OCA2: variants seen among roughly 807,000 people sequenced by gnomAD.
OCA2 encodes OCA2 melanosomal transmembrane protein, also known as P protein.
In OCA2, 77 loss-of-function variants were observed where a neutral mutation model predicts 100.2. The ratio of observed to expected loss-of-function variants is 0.77; its 90% CI spans 0.64 to 0.93. The LOEUF (loss-of-function observed/expected upper bound fraction) is 0.93. Among genes scored for constraint, OCA2 ranks in the 40% least tolerant of loss-of-function variants. OCA2 has a pLI of 0.00. For missense variants in OCA2, 1,062 were observed against 1,089.1 expected (o/e 0.98, Z 0.35); for synonymous variants, 432 against 439.2 (o/e 0.98, Z 0.21).
intron 2 of OCA2, among the ~76,000 whole-genome samples, chr15:28,044,021 G>A (rs1595872916): frequency 6.6e-6 from 1 of 152,304 alleles, no homozygotes; most frequent in East Asian, 1.9e-4. Context: ...CAGATGGGCA[G>A]ACAGTACCTC....
At chr15:28,055,467 CG>C (rs1305832935) in intron 2 of OCA2, among the ~76,000 whole-genome samples, 3 of 152,186 alleles carry the variant, frequency 2.0e-5, no homozygotes, top group Non-Finnish European at 4.4e-5. Context: ...TGCAGAAGTT[CG>C]AGGGCTTTGG....
At chr15:28,057,617 G>C (rs552365387) in intron 2 of OCA2, among the ~76,000 whole-genome samples, 3 of 151,196 alleles carry the variant, frequency 2.0e-5, no homozygotes, top group African/African-American at 7.3e-5. Context: ...CAAAAACATT[G>C]GCCCAAAAAT....
In OCA2 at chr15:27,985,106, T is replaced by C. The variant is rs147816326; in HGVS notation, c.1322A>G (p.Asp441Gly). Residue 441 changes from aspartate (D) to glycine (G), a missense_variant, in exon 13 of 24, where the codon GAC becomes GGC. Asp to Gly is a moderately conservative substitution (Grantham distance 94). Coordinates refer to ENST00000354638, the MANE Select transcript of OCA2 (RefSeq NM_000275.3). The part of the protein sequence containing the change: ...LIAAVLSAFL[D>G]NVTTMLLFTP... Reference sequence around the variant, plus strand: ...GAAGAGGAGCATGGTGGTGACGTTGTCCAAGAAGGCAGAGAGGACGGCCGC... The same window carrying C: ...GAAGAGGAGCATGGTGGTGACGTTGCCCAAGAAGGCAGAGAGGACGGCCGC... 2 of 1,613,858 alleles carry C rather than the reference T, an allele frequency of 1.2e-6. No homozygotes were observed. The highest frequency in any genetic ancestry group is 2.7e-5 in the African/African-American group (2 of 74,888).
chr15:27,753,822 A>G (rs2030162613), downstream of OCA2, among the ~76,000 whole-genome samples: 1 of 152,110 alleles, frequency 6.6e-6, no homozygotes. Context: ...ACCAACGAGG[A>G]GAGGCAGTGG....
rs771974833 is a variant in OCA2 at position 28,018,481 on chromosome 15, C to T, written c.723G>A (p.Pro241=). Residue 241 remains proline (P), a synonymous_variant, in exon 7 of 24, where the codon CCG becomes CCA. Transcript: ENST00000354638. ...DLAGALVASG[P]SRPGREEHIV... ...TGTGCTCTTCCCTCCCAGGACGACT[C>T]GGCCCACTGGCCACTAGGGCCCCTG... 7.4e-6 allele frequency: 12 copies of T among 1,613,646 alleles called. No individual in the cohort carries two copies. Among genetic ancestry groups the T allele is most frequent in the African/African-American group, 4.0e-5 (3 of 74,926 alleles).
intron 18 of OCA2, among the ~76,000 whole-genome samples, chr15:27,949,478 C>T (rs2039960255): frequency 1.3e-5 from 2 of 152,072 alleles, no homozygotes; most frequent in African/African-American, 4.8e-5. Flanking sequence ...GCCTGGCCAA[C>T]ATAGTGAAAC....
At chr15:27,794,705 G>T (rs1218697741) in intron 23 of OCA2, among the ~76,000 whole-genome samples, 1 of 152,072 alleles carries the variant, frequency 6.6e-6, no homozygotes, top group Non-Finnish European at 1.5e-5. Context: ...CCCAAATGAT[G>T]GTGTAGAGAA....
chr15:27,954,658 T>A (rs1172004559), intron 17 of OCA2, among the ~76,000 whole-genome samples: 1 of 149,910 alleles, frequency 6.7e-6, no homozygotes, highest in African/African-American at 2.4e-5. Context: ...TCTGTGTTCA[T>A]AAATGGGCTG....
intron 23 of OCA2, among the ~76,000 whole-genome samples, chr15:27,814,935 GAT>G (rs60615863): frequency 0.062 from 9,048 of 145,132 alleles, 375 homozygotes; most frequent in South Asian, 0.1. Context: ...TAGATAGATA[GAT>G]AGATAGATAC....
chr15:28,003,857 C>T (rs945421737), intron 9 of OCA2, among the ~76,000 whole-genome samples: 7 of 152,246 alleles, frequency 4.6e-5, no homozygotes, highest in Non-Finnish European at 1.0e-4. Context: ...CGAACCCGCC[C>T]GCGCCGCCTG....
chr15:27,994,703 A>G (rs1203638758), intron 9 of OCA2, among the ~76,000 whole-genome samples: 1 of 152,246 alleles, frequency 6.6e-6, no homozygotes, highest in Admixed American at 6.5e-5. Flanking sequence ...GAGAAGCAGA[A>G]AATGCATGAA....
intron 1 of OCA2, among the ~76,000 whole-genome samples, chr15:28,092,936 G>C (rs2141965356): frequency 6.6e-6 from 1 of 152,026 alleles, no homozygotes; most frequent in African/African-American, 2.4e-5. Context: ...TTCTCAGGAA[G>C]ACAAGGCAAG....
chr15:28,068,531 C>A (rs182092529), intron 2 of OCA2, among the ~76,000 whole-genome samples: 1 of 152,310 alleles, frequency 6.6e-6, no homozygotes, highest in East Asian at 1.9e-4. Flanking sequence ...GAACTGATAT[C>A]AATACTACTC....
chr15:27,967,588 T>G (rs1206558783), intron 14 of OCA2, among the ~76,000 whole-genome samples: 1 of 152,256 alleles, frequency 6.6e-6, no homozygotes, highest in African/African-American at 2.4e-5. Context: ...TGCCATCGGT[T>G]TGAAAGTGTC....
chr15:27,754,611 C>T (rs2030198821), downstream of OCA2, among the ~76,000 whole-genome samples: 1 of 152,182 alleles, frequency 6.6e-6, no homozygotes, highest in African/African-American at 2.4e-5. Flanking sequence ...TTAATAAACA[C>T]CGACTGAGCC....
intron 19 of OCA2, among the ~76,000 whole-genome samples, chr15:27,923,437 C>T (rs1469192093): frequency 6.6e-6 from 1 of 152,192 alleles, no homozygotes; most frequent in African/African-American, 2.4e-5. Context: ...GGAATCACCA[C>T]ACTGCTTTCT....
At chr15:27,926,635 G>A (rs2039053609) in intron 18 of OCA2, among the ~76,000 whole-genome samples, 2 of 151,906 alleles carry the variant, frequency 1.3e-5, no homozygotes, top group Non-Finnish European at 2.9e-5. Flanking sequence ...TGTTTTGGGG[G>A]CCTTTTTGAG....
rs1011456487 is a variant in OCA2 at position 27,912,069 on chromosome 15, T to C, written c.2079+14058A>G. ...ATAAGTGAGTATATATTGTAGACAG[T>C]GAGAGCAAGAGGCAAATCTTATGGT... On this transcript the variant is annotated intron_variant, in intron 19 of 23. Transcript: ENST00000354638. Among the ~76,000 whole-genome samples, 33 of 152,250 alleles carry C rather than the reference T, an allele frequency of 2.2e-4. 1 individual carries two copies. The South Asian group carries it at 2.9e-3, about 13-fold the overall frequency.
At chr15:27,912,085 A>C (rs1021378580) in intron 19 of OCA2, among the ~76,000 whole-genome samples, 3 of 152,220 alleles carry the variant, frequency 2.0e-5, no homozygotes, top group Non-Finnish European at 2.9e-5. Context: ...CAAGAGGCAA[A>C]TCTTATGGTG....
Sources: gnomAD v4.1 joint callset for allele counts (sites outside exome capture counted in the v4.1 genomes callset) on GRCh38, gnomAD v4.1.1 for gene constraint, MANE v1.5 for transcripts, NCBI Gene and HGNC (gene_info 2026-07-23, HGNC 2026-07-21) for gene names.